Variants in ARHGAP17 observed in about 807,000 individuals in gnomAD.
The protein encoded by ARHGAP17 is Rho GTPase activating protein 17, also known as rho GTPase-activating protein 17.
ARHGAP17 carries 57 observed loss-of-function variants against 99.5 expected under a neutral mutation model. The ratio of observed to expected loss-of-function variants is 0.57; its 90% CI spans 0.46 to 0.71. The LOEUF (loss-of-function observed/expected upper bound fraction) is 0.71. Ranked by LOEUF, ARHGAP17 falls within the 30% of genes least tolerant of loss-of-function variation. The pLI, the probability that ARHGAP17 is intolerant of heterozygous loss-of-function variation, is 0.00. For synonymous variants in ARHGAP17, 417 were observed against 429.6 expected, an observed-to-expected ratio of 0.97 and a Z score of 0.36; for missense variants, 1,000 against 1,122.4, an observed-to-expected ratio of 0.89 and a Z score of 1.56.
intron 7 of ARHGAP17, among the ~76,000 whole-genome samples, chr16:24,962,230 G>T (rs1306606734): frequency 1.3e-5 from 2 of 152,142 alleles, no homozygotes; most frequent in Non-Finnish European, 2.9e-5. Flanking sequence ...ATGGAAGCTG[G>T]AGATGACCTG....
rs1597363272 is a variant in ARHGAP17, at chr16:24,931,157, T to G, written c.2142A>C (p.Pro714=). 4 of 1,595,198 alleles carry G rather than the reference T, an allele frequency of 2.5e-6. No homozygotes were observed. The highest frequency in any genetic ancestry group is 3.4e-6 in the Non-Finnish European group (4 of 1,172,030). ...SLSPIQAPNH[P]PPQPPTQATP... ...TGGCCTGCGTAGGGGGCTGCGGCGG[T>G]GGGTGATTGGGAGCTTGGATTGGAG... The change falls in exon 19 of 20, where the codon CCA becomes CCC. Residue 714 remains proline (P), a synonymous_variant. Transcript: ENST00000289968.
chr16:24,984,880 C>A (rs923805630), intron 1 of ARHGAP17, among the ~76,000 whole-genome samples: 14 of 151,626 alleles, frequency 9.2e-5, no homozygotes, highest in Non-Finnish European at 1.3e-4. Flanking sequence ...GGAAAAAAAA[C>A]CACAGTTGAA....
intron 1 of ARHGAP17, among the ~76,000 whole-genome samples, chr16:24,979,517 C>T (rs767013019): frequency 2.0e-4 from 30 of 152,016 alleles, no homozygotes; most frequent in Non-Finnish European, 3.7e-4. Flanking sequence ...CAATTAGTTC[C>T]TCCTTCAAAT....
chr16:24,926,331 G>T (rs2050843226), intron 19 of ARHGAP17, among the ~76,000 whole-genome samples: 1 of 151,976 alleles, frequency 6.6e-6, no homozygotes, highest in African/African-American at 2.4e-5. Context: ...CACGATCTCA[G>T]CTCACTGCGA....
intron 1 of ARHGAP17, among the ~76,000 whole-genome samples, chr16:24,986,084 C>T (rs1471045095): frequency 6.6e-6 from 1 of 152,176 alleles, no homozygotes; most frequent in East Asian, 1.9e-4. Context: ...GTCAAACCTC[C>T]ACATCACAAA....
At position 24,952,270 on chromosome 16, in the gene ARHGAP17, C is replaced by T. The variant is rs772521097; in HGVS notation, c.1046+19G>A. 11 of 1,587,048 alleles carry T rather than the reference C, an allele frequency of 6.9e-6. No homozygotes were observed. In the South Asian group the frequency reaches 1.2e-4, roughly 18 times the overall value. On this transcript the variant is annotated intron_variant, in intron 12 of 19. Coordinates refer to ENST00000289968, the MANE Select transcript of ARHGAP17 (RefSeq NM_001006634.3). The stretch of plus-strand genomic sequence containing the variant: ...TTCATTCCCTTTAACATTTACAACT[C>T]TGTGTTCTTTAAACTTACCTTGCAA...
chr16:24,960,266 C>T (rs56342719), intron 7 of ARHGAP17, among the ~76,000 whole-genome samples: 8,491 of 152,212 alleles, frequency 0.056, 337 homozygotes, highest in Middle Eastern at 0.13. Context: ...GTGGAATGGC[C>T]GGGCACGATG....
At chr16:24,920,457 G>C (rs1440882680) in intron 19 of ARHGAP17, 197 bp from the exon 20 acceptor site, 9 of 584,036 alleles carry the variant, frequency 1.5e-5, no homozygotes, top group East Asian at 3.2e-5. Flanking sequence ...GAGTAGCACA[G>C]CCTTGCCTCT....
At chr16:24,984,729 A>G (rs1410544232) in intron 1 of ARHGAP17, among the ~76,000 whole-genome samples, 1 of 152,212 alleles carries the variant, frequency 6.6e-6, no homozygotes, top group Non-Finnish European at 1.5e-5. Context: ...GAAAAAGGAC[A>G]TTCACAATGT....
At chr16:24,934,243 C>T (rs2051073600) in intron 18 of ARHGAP17, among the ~76,000 whole-genome samples, 2 of 152,178 alleles carry the variant, frequency 1.3e-5, no homozygotes, top group South Asian at 4.1e-4. Context: ...TCACTGCAAC[C>T]TCTGCCTCCC....
intron 1 of ARHGAP17, among the ~76,000 whole-genome samples, chr16:24,997,081 C>T (rs1597476491): frequency 2.0e-5 from 3 of 152,168 alleles, no homozygotes; most frequent in African/African-American, 4.8e-5. Flanking sequence ...CTTGGACTAG[C>T]GCAAGGTGCC....
rs531926578 is a variant in ARHGAP17 at position 24,994,150 on chromosome 16, G to A, written c.54-15145C>T. Among the ~76,000 whole-genome samples, 70 of 152,294 alleles carry A rather than the reference G, an allele frequency of 4.6e-4. 1 individual carries two copies. The highest frequency in any genetic ancestry group is 3.4e-3 in the Middle Eastern group (1 of 294). The stretch of plus-strand genomic sequence containing the variant: ...TAGTCACCTGGAAAGTCAGGGCGAG[G>A]CAGTTTTTGAGGGATGATGGTAGAT... On this transcript the variant is annotated intron_variant, in intron 1 of 19. Coordinates refer to ENST00000289968, the MANE Select transcript of ARHGAP17 (RefSeq NM_001006634.3).
chr16:25,003,051 A>AC (rs2053410619), intron 1 of ARHGAP17, among the ~76,000 whole-genome samples: 1 of 150,970 alleles, frequency 6.6e-6, no homozygotes, highest in African/African-American at 2.4e-5. Flanking sequence ...AAAAAAAAAA[A>AC]AAAAAAAAAG....
intron 1 of ARHGAP17, 43 bp downstream of exon 1, chr16:25,015,165 GC>G (rs1309771194): frequency 1.7e-6 from 2 of 1,168,326 alleles, no homozygotes; most frequent in Non-Finnish European, 2.2e-6. Context: ...TCCGCCCTCC[GC>G]CCCCAGCCCC....
intron 1 of ARHGAP17, among the ~76,000 whole-genome samples, chr16:24,993,799 G>A (rs970732548): frequency 2.0e-5 from 3 of 152,052 alleles, no homozygotes; most frequent in Admixed American, 1.3e-4. Flanking sequence ...CCCTAACTCC[G>A]CCACAAACTA....
chr16:24,968,805 T>C (rs968120968), intron 4 of ARHGAP17, 33 bp from the exon 5 acceptor site: 3 of 1,605,828 alleles, frequency 1.9e-6, no homozygotes, highest in Non-Finnish European at 2.6e-6. Flanking sequence ...AACGAGCACG[T>C]GCTCATTAAA....
intron 12 of ARHGAP17, among the ~76,000 whole-genome samples, chr16:24,950,852 A>AAAAAAAG (rs1567224889): frequency 3.3e-5 from 5 of 150,986 alleles, no homozygotes; most frequent in Admixed American, 1.3e-4. Flanking sequence ...AAAAAAAAAA[A>AAAAAAAG]AAAAAAGAAA....
At chr16:25,011,974 C>A (rs1201843859) in intron 1 of ARHGAP17, among the ~76,000 whole-genome samples, 4 of 152,122 alleles carry the variant, frequency 2.6e-5, no homozygotes, top group Non-Finnish European at 5.9e-5. Context: ...TGTGCATTAG[C>A]CATCCCTCTT....
intron 3 of ARHGAP17, 49 bp downstream of exon 3, chr16:24,977,166 C>T (rs1173677519): frequency 1.4e-6 from 2 of 1,448,466 alleles, no homozygotes; most frequent in Non-Finnish European, 9.3e-7. Context: ...GGTTGAAAAG[C>T]CTCAGAGAGA....
Sources: allele counts gnomAD v4.1 joint callset (sites outside exome capture counted in the v4.1 genomes callset), GRCh38; gene constraint gnomAD v4.1.1; transcripts MANE v1.5; gene names NCBI Gene and HGNC (gene_info 2026-07-23, HGNC 2026-07-21).